Variants in PAFAH1B1 observed in about 807,000 individuals in gnomAD.
The protein encoded by PAFAH1B1 is platelet-activating factor acetylhydrolase IB subunit beta.
In PAFAH1B1, 2 loss-of-function variants were observed where a neutral mutation model predicts 57.5. The ratio of observed to expected loss-of-function variants is 0.03; its 90% CI spans 0.01 to 0.11. The LOEUF is 0.11. Among genes scored for constraint, PAFAH1B1 ranks in the 10% least tolerant of loss-of-function variants. The probability of loss-of-function intolerance (pLI) is 1.00; values close to 1 mark genes in which losing one functional copy is unlikely to be tolerated. For synonymous variants in PAFAH1B1, 152 were observed against 169.6 expected (o/e 0.90, Z 0.81); for missense variants, 257 against 512.0 (o/e 0.50, Z 4.81).
rs1160093635 is a variant in PAFAH1B1 at position 2,667,106 on chromosome 17, G to T, written c.307G>T (p.Ala103Ser). Residue 103 changes from alanine (A) to serine (S), a missense_variant, in exon 5 of 11, where the codon GCA (alanine) becomes TCA (serine). By Grantham distance (99) the Ala-to-Ser change is moderately conservative. Transcript: ENST00000397195. ...GATTCCCCGTCCGCCAGAAAAATAT[G>T]CATTGAGTGGTCACAGGAGTCCAGT... ...EWIPRPPEKY[A>S]LSGHRSPVTR... 6.2e-7 allele frequency: 1 copy of T among 1,613,718 alleles called. No homozygotes were observed. Among genetic ancestry groups the T allele is most frequent in the Non-Finnish European group, 8.5e-7 (1 of 1,179,764 alleles).
chr17:2,675,915 G>A (rs2069258051), intron 8 of PAFAH1B1, among the ~76,000 whole-genome samples: 1 of 152,148 alleles, frequency 6.6e-6, no homozygotes, highest in Admixed American at 6.5e-5. Flanking sequence ...ATTTGTAAAA[G>A]TTAAATTAAA....
chr17:2,623,505 G>A (rs983846215), intron 1 of PAFAH1B1, among the ~76,000 whole-genome samples: 12 of 151,766 alleles, frequency 7.9e-5, no homozygotes, highest in African/African-American at 1.2e-4. Context: ...TGATCTACCC[G>A]CCTTGGCCTC....
chr17:2,626,236 A>T (rs1277310027), intron 1 of PAFAH1B1, among the ~76,000 whole-genome samples: 1 of 151,888 alleles, frequency 6.6e-6, no homozygotes. Context: ...CCTGGGCGAC[A>T]GTGAGACTCC....
intron 2 of PAFAH1B1, among the ~76,000 whole-genome samples, chr17:2,651,781 C>T (rs960953015): frequency 1.3e-5 from 2 of 152,154 alleles, no homozygotes; most frequent in East Asian, 3.9e-4. Context: ...TCCCCAGTTT[C>T]CCCTACTGTT....
chr17:2,659,562 G>A (rs549290133), intron 2 of PAFAH1B1: 36 of 182,992 alleles, frequency 2.0e-4, no homozygotes, highest in African/African-American at 8.5e-4. Context: ...GCTGGGCGTG[G>A]TGGCTGATGA....
At chr17:2,650,436 C>T (rs563680681) in intron 2 of PAFAH1B1, among the ~76,000 whole-genome samples, 3 of 151,426 alleles carry the variant, frequency 2.0e-5, no homozygotes, top group East Asian at 2.0e-4. Context: ...CACTTGAACC[C>T]GGGAGCTGGA....
chr17:2,598,031 G>A (rs921515621), intron 1 of PAFAH1B1, among the ~76,000 whole-genome samples: 7 of 151,948 alleles, frequency 4.6e-5, no homozygotes, highest in Non-Finnish European at 8.8e-5. Flanking sequence ...TGGATCACCT[G>A]AGGTCAGGAG....
At chr17:2,672,821 G>C in intron 7 of PAFAH1B1, 64 bp downstream of exon 7, 1 of 1,063,820 alleles carries the variant, frequency 9.4e-7, no homozygotes, top group Non-Finnish European at 1.5e-6. Flanking sequence ...TGTCATCCCA[G>C]CGCTTTGGGA....
intron 2 of PAFAH1B1, 61 bp downstream of exon 2, chr17:2,638,381 T>A: frequency 7.4e-7 from 1 of 1,347,818 alleles, no homozygotes; most frequent in Non-Finnish European, 1.1e-6. Flanking sequence ...AAGTAGTAAA[T>A]TAAAATACAG....
chr17:2,668,012 T>C (rs970353214), intron 5 of PAFAH1B1, among the ~76,000 whole-genome samples: 1 of 151,840 alleles, frequency 6.6e-6, no homozygotes. Flanking sequence ...GTTACAGATA[T>C]TAAGTTTCAT....
At chr17:2,657,971 G>A (rs1248974217) in intron 2 of PAFAH1B1, among the ~76,000 whole-genome samples, 3 of 152,116 alleles carry the variant, frequency 2.0e-5, no homozygotes, top group Non-Finnish European at 2.9e-5. Flanking sequence ...GTTGTATTGT[G>A]TATCTTTCCT....
At chr17:2,623,652 G>A (rs2068452498) in intron 1 of PAFAH1B1, among the ~76,000 whole-genome samples, 1 of 149,874 alleles carries the variant, frequency 6.7e-6, no homozygotes, top group Non-Finnish European at 1.5e-5. Context: ...TTTAAAGATG[G>A]AGTCTTGCTC....
intron 5 of PAFAH1B1, 29 bp from the exon 6 acceptor site, chr17:2,670,134 T>C (rs2069160872): frequency 6.2e-7 from 1 of 1,608,498 alleles, no homozygotes; most frequent in East Asian, 2.2e-5. Context: ...ATGGAGTTGG[T>C]GTTAACCAAT....
intron 6 of PAFAH1B1, 35 bp from the exon 7 acceptor site, chr17:2,672,620 A>G (rs760048182): frequency 1.5e-6 from 2 of 1,359,460 alleles, no homozygotes; most frequent in Non-Finnish European, 2.1e-6. Context: ...TTGGTGGTAT[A>G]TTACTTCATA....
rs542198733 is a variant in PAFAH1B1, at chr17:2,635,934, C to T, written c.-190-2165C>T. The stretch of plus-strand genomic sequence containing the variant: ...TGGGCAACGTGGCAAAACCCTGTCT[C>T]TACAAAAATAGAAAAATACAAAAAA... On this transcript the variant is annotated intron_variant, in intron 1 of 10. Transcript: ENST00000397195. Among the ~76,000 whole-genome samples the T allele has an allele frequency of 5.9e-4, 78 of 132,652 alleles. 2 individuals carry two copies. In the East Asian group the frequency reaches 0.014, roughly 25 times the overall value. 87.0% of individuals were successfully genotyped at this position (132,652 alleles called of 152,430 possible).
rs1007065487 is a variant in PAFAH1B1, at chr17:2,658,910, C to G, written c.33-6462C>G. ...ACCTATGGCCAGGAACTCATCACAT[C>G]TGTGCTGCCCTTTCCCTGAAGAGTC... On this transcript the variant is annotated intron_variant, in intron 2 of 10. Coordinates refer to ENST00000397195, the MANE Select transcript of PAFAH1B1 (RefSeq NM_000430.4). 9.8e-5 allele frequency among the ~76,000 whole-genome samples: 15 copies of G among 152,298 alleles called. No homozygotes were observed. The East Asian group carries it at 2.7e-3, about 27-fold the overall frequency.
At chr17:2,594,772 C>T (rs1184758205) in intron 1 of PAFAH1B1, among the ~76,000 whole-genome samples, 2 of 152,206 alleles carry the variant, frequency 1.3e-5, no homozygotes, top group South Asian at 2.1e-4. Flanking sequence ...TTCGAGGCTC[C>T]CTGCCATTCC....
chr17:2,621,509 A>C (rs1296375282), intron 1 of PAFAH1B1, among the ~76,000 whole-genome samples: 3 of 151,748 alleles, frequency 2.0e-5, no homozygotes, highest in African/African-American at 7.3e-5. Context: ...CTTGACTGAG[A>C]ATAACTTCTG....
intron 2 of PAFAH1B1, among the ~76,000 whole-genome samples, chr17:2,643,389 G>C (rs957198915): frequency 1.3e-5 from 2 of 152,102 alleles, no homozygotes; most frequent in African/African-American, 4.8e-5. Flanking sequence ...TAATAGCTGG[G>C]ATTACAGGCA....
Sources: gnomAD v4.1 joint callset for allele counts (sites outside exome capture counted in the v4.1 genomes callset) on GRCh38, gnomAD v4.1.1 for gene constraint, MANE v1.5 for transcripts, NCBI Gene and HGNC (gene_info 2026-07-23, HGNC 2026-07-21) for gene names.